The following SUPT6H variants were observed in gnomAD, a reference collection of about 807,000 sequenced individuals.
SUPT6H encodes SPT6 homolog, histone chaperone and transcription elongation factor, also known as transcription elongation factor SPT6.
A neutral mutation model predicts 222.3 loss-of-function variants in SUPT6H; 11 were observed. The ratio of observed to expected loss-of-function variants is 0.05; its 90% CI spans 0.03 to 0.08. The LOEUF (loss-of-function observed/expected upper bound fraction) is 0.08. Ranked by LOEUF, SUPT6H falls within the 10% of genes least tolerant of loss-of-function variation. SUPT6H has a pLI of 1.00. For missense variants in SUPT6H, 1,422 were observed against 2,216.0 expected (o/e 0.64, Z 7.19); for synonymous variants, 762 against 801.2 (o/e 0.95, Z 0.83).
intron 13 of SUPT6H, 149 bp from the exon 14 acceptor site, chr17:28,682,578 A>G: frequency 8.8e-7 from 1 of 1,135,450 alleles, no homozygotes. Flanking sequence ...CCATGATCAC[A>G]CCACTGCACT....
chr17:28,684,654 AGAT>A lies in SUPT6H; in HGVS notation c.2301_2303del (p.Asp769del). On this transcript the variant is annotated inframe_deletion, in exon 18 of 37. Transcript: ENST00000314616. ...ACCGACCAGATCAGCAGGTGGAAGA[AGAT>A]GACGACTTTATGGACGAGAACCAAG... 3 of 1,614,200 alleles carry A rather than the reference AGAT, an allele frequency of 1.9e-6. No homozygotes were observed. The highest frequency in any genetic ancestry group is 1.1e-5 in the South Asian group (1 of 91,076).
At chr17:28,682,156 C>G in intron 13 of SUPT6H, 176 bp downstream of exon 13, 2 of 514,442 alleles carry the variant, frequency 3.9e-6, no homozygotes, top group Non-Finnish European at 6.9e-6. Flanking sequence ...CATTCCCGCC[C>G]GACATGATGG....
rs1159109805 is a variant in SUPT6H, at chr17:28,686,926, G to A, written c.2700+137G>A. 3 of 1,476,110 alleles carry A rather than the reference G, an allele frequency of 2.0e-6. No individual in the cohort carries two copies. The African/African-American group carries it at 4.2e-5, about 21-fold the overall frequency. 91.4% of individuals were successfully genotyped at this position (1,476,110 alleles called of 1,614,324 possible). On this transcript the variant is annotated intron_variant, in intron 21 of 36. Transcript: ENST00000314616. ...TATCCATGCAGAAGTTCTCCGTTTTGCAGTTACGGTTCAGATTGGGAGTCC... is the reference window on the plus strand; with the variant it reads ...TATCCATGCAGAAGTTCTCCGTTTTACAGTTACGGTTCAGATTGGGAGTCC...
At position 28,673,367 on chromosome 17, in the gene SUPT6H, C is replaced by A. The variant is rs1423716889; in HGVS notation, c.-31-4C>A. 3.3e-6 allele frequency: 5 copies of A among 1,536,892 alleles called. No individual in the cohort carries two copies. Among genetic ancestry groups the A allele is most frequent in the South Asian group, 1.1e-5 (1 of 89,154 alleles). On this transcript the variant is annotated splice_region_variant and splice_polypyrimidine_tract_variant and intron_variant, in intron 1 of 36. Coordinates refer to ENST00000314616, the MANE Select transcript of SUPT6H (RefSeq NM_003170.5). ...TTTTATCCTTCACTCTTTTCTTTCC[C>A]TAGTTATCTTCAGGCAGAGTGAGAA...
chr17:28,690,893 G>A (rs2031609565), intron 26 of SUPT6H, 28 bp from the exon 27 acceptor site: 1 of 1,607,584 alleles, frequency 6.2e-7, no homozygotes, highest in African/African-American at 1.3e-5. Flanking sequence ...CTCTGAGCCT[G>A]CTCCCCATCC....
At chr17:28,700,093 C>T in intron 33 of SUPT6H, 80 bp from the exon 34 acceptor site, 1 of 1,591,800 alleles carries the variant, frequency 6.3e-7, no homozygotes, top group South Asian at 1.1e-5. Flanking sequence ...CTACCTACTT[C>T]AGTGCCCCTT....
In SUPT6H at chr17:28,695,471, C is replaced by A; in HGVS notation, c.3894C>A (p.Asp1298Glu). The A allele has an allele frequency of 1.9e-6, 3 of 1,614,120 alleles. No homozygotes were observed. Among genetic ancestry groups the A allele is most frequent in the Non-Finnish European group, 2.5e-6 (3 of 1,180,030 alleles). The change falls in exon 29 of 37, where the codon GAC becomes GAA. Residue 1298 changes from aspartate (D) to glutamate (E), a missense_variant. Coordinates refer to ENST00000314616, the MANE Select transcript of SUPT6H (RefSeq NM_003170.5). ...ACAATGAGTGGAAGCTGCCCAAAGA[C>A]ACCTACTATGACTTTGATGCTGAAG... Reference protein sequence around the residue: ...DRNNEWKLPKDTYYDFDAEAA... With the variant: ...DRNNEWKLPKETYYDFDAEAA...
In SUPT6H at chr17:28,688,544, T is replaced by G; in HGVS notation, c.3134+326T>G. 5.9e-6 allele frequency: 1 copy of G among 168,890 alleles called. No homozygotes were observed. The highest frequency in any genetic ancestry group is 1.3e-5 in the Non-Finnish European group (1 of 79,554). The allele number at this position is 168,890 out of a possible 1,614,324, so 10.5% of individuals were successfully genotyped here. A position where few individuals can be genotyped will look rare whatever the true frequency, so the allele number is the denominator to read the frequency against. On this transcript the variant is annotated intron_variant, in intron 24 of 36. Coordinates refer to ENST00000314616, the MANE Select transcript of SUPT6H (RefSeq NM_003170.5). The surrounding 1 kb of genome is among the most constrained non-coding windows in gnomAD (Gnocchi z 4.3). ...TGTTGTGGCCAGATAAGGGTGGGAA[T>G]AGCGGGGGCAATGAAAAAGGAGTTT... is the stretch of plus-strand genomic sequence containing the variant.
intron 28 of SUPT6H, 131 bp downstream of exon 28, chr17:28,693,967 G>A: frequency 8.0e-7 from 1 of 1,255,192 alleles, no homozygotes; most frequent in Non-Finnish European, 1.1e-6. Context: ...GTGTTTCAGG[G>A]AAGATTTATA....
chr17:28,696,668 G>A (rs867631708), intron 29 of SUPT6H, among the ~76,000 whole-genome samples, 176 bp from the exon 30 acceptor site: 29 of 150,784 alleles, frequency 1.9e-4, no homozygotes, highest in Admixed American at 4.6e-4. Flanking sequence ...CAGGAGGATC[G>A]CTTGAGCCCA....
rs1315151713 is a variant in SUPT6H at position 28,701,931 on chromosome 17, TC to T, written c.*309del. ...TGAGTAGAACAGTTTTGTATTCTAC[TC>T]CCTACAAGCCATTTTGAACTTCTGC... On this transcript the variant is annotated 3_prime_UTR_variant, in exon 37 of 37. Coordinates refer to ENST00000314616, the MANE Select transcript of SUPT6H (RefSeq NM_003170.5). 4 of 355,962 alleles carry T rather than the reference TC, an allele frequency of 1.1e-5. No homozygotes were observed. Among genetic ancestry groups the T allele is most frequent in the African/African-American group, 4.1e-5 (2 of 49,226 alleles). 22.1% of individuals were successfully genotyped at this position (355,962 alleles called of 1,614,324 possible).
intron 1 of SUPT6H, among the ~76,000 whole-genome samples, chr17:28,664,506 A>G (rs2029904206): frequency 6.6e-6 from 1 of 152,254 alleles, no homozygotes; most frequent in Non-Finnish European, 1.5e-5. Context: ...CTCCGTCTCA[A>G]AATATATGTA....
At chr17:28,692,024 T>A (rs937405487) in intron 27 of SUPT6H, among the ~76,000 whole-genome samples, 3 of 150,876 alleles carry the variant, frequency 2.0e-5, no homozygotes, top group African/African-American at 4.9e-5. Flanking sequence ...TCTCCTTTTT[T>A]AAAAAAAGGG....
Position 28,683,248 on chromosome 17 carries a change from T to G in SUPT6H, c.1879-20T>G. On this transcript the variant is annotated intron_variant, in intron 15 of 36. Transcript: ENST00000314616. ...GCCCAGCCCATCCGCAGGCTCATGA[T>G]TCCCCCTTCATGTGTGCAGGATGTG... is the stretch of plus-strand genomic sequence containing the variant. 1 of 1,611,484 alleles carries G rather than the reference T, an allele frequency of 6.2e-7. No homozygotes were observed.
chr17:28,679,050 G>A lies in SUPT6H; in HGVS notation c.1349+87G>A, dbSNP rs1227776268. On this transcript the variant is annotated intron_variant, in intron 11 of 36. Coordinates refer to ENST00000314616, the MANE Select transcript of SUPT6H (RefSeq NM_003170.5). Reference sequence around the variant, plus strand: ...GGAGCACTGTTAAACCTTGGAGAATGTGTAGCACAGGGCCCCATCCCTTAG... The same window carrying A: ...GGAGCACTGTTAAACCTTGGAGAATATGTAGCACAGGGCCCCATCCCTTAG... 2.0e-6 allele frequency: 3 copies of A among 1,538,016 alleles called. No homozygotes were observed. The East Asian group carries it at 6.8e-5, about 35-fold the overall frequency.
chr17:28,680,492 G>A (rs907364591), intron 11 of SUPT6H, among the ~76,000 whole-genome samples: 6 of 151,878 alleles, frequency 4.0e-5, no homozygotes, highest in African/African-American at 1.5e-4. Context: ...CAGCTCGCGA[G>A]GCTGAGGCAG....
In SUPT6H at chr17:28,698,954, TG is replaced by T. The variant is rs1567706462; in HGVS notation, c.4449-822del. Among the ~76,000 whole-genome samples the T allele has an allele frequency of 2.8e-5, 4 of 141,974 alleles. No homozygotes were observed. In the South Asian group the frequency reaches 8.8e-4, roughly 31 times the overall value. 93.1% of individuals were successfully genotyped at this position (141,974 alleles called of 152,430 possible). ...CAGTTGAGCAAACTGGTGGCGGGGG[TG>T]GGGGCTCTAACCAGGACCAGGTGCA... On this transcript the variant is annotated intron_variant, in intron 32 of 36. Transcript: ENST00000314616.
chr17:28,686,986 A>C, intron 21 of SUPT6H, 102 bp from the exon 22 acceptor site: 1 of 1,523,708 alleles, frequency 6.6e-7, no homozygotes, highest in Non-Finnish European at 8.8e-7. Flanking sequence ...AAAAGATCCC[A>C]GAGAAGCAGA....
At chr17:28,686,553 C>A in intron 20 of SUPT6H, 101 bp from the exon 21 acceptor site, 1 of 1,540,096 alleles carries the variant, frequency 6.5e-7, no homozygotes, top group East Asian at 2.3e-5. Flanking sequence ...ACCTCATTTT[C>A]TTCAAAGCCC....
Sources: allele counts gnomAD v4.1 joint callset (sites outside exome capture counted in the v4.1 genomes callset), GRCh38; gene constraint gnomAD v4.1.1; non-coding constraint Gnocchi (gnomAD v3.1); transcripts MANE v1.5; gene names NCBI Gene and HGNC (gene_info 2026-07-23, HGNC 2026-07-21).